Variants in ANO3 observed in about 807,000 individuals in gnomAD.
The protein encoded by ANO3 is anoctamin-3.
A neutral mutation model predicts 144.8 loss-of-function variants in ANO3; 99 were observed. The ratio of observed to expected loss-of-function variants is 0.68; its 90% confidence interval spans 0.58 to 0.81. The LOEUF (loss-of-function observed/expected upper bound fraction) is 0.81, where lower values mean the gene tolerates loss of function less well. Among genes scored for constraint, ANO3 ranks in the 30% least tolerant of loss-of-function variants. The pLI, the probability that ANO3 is intolerant of heterozygous loss-of-function variation, is 0.00. For missense variants in ANO3, 905 were observed against 1,202.2 expected (o/e 0.75, Z 3.66); for synonymous variants, 414 against 392.6 (o/e 1.05, Z -0.64).
chr11:26,233,985 T>A (rs1295379637), intron 1 of ANO3, among the ~76,000 whole-genome samples: 6 of 134,750 alleles, frequency 4.5e-5, no homozygotes, highest in Non-Finnish European at 1.7e-5. Flanking sequence ...GACAAATGCC[T>A]AATGTATGCG....
chr11:26,423,309 CTTTT>C (rs142064982), intron 1 of ANO3, among the ~76,000 whole-genome samples: 2 of 135,172 alleles, frequency 1.5e-5, no homozygotes, highest in African/African-American at 5.2e-5. Context: ...TACCTTTATA[CTTTT>C]TTTTTTTTTT....
At chr11:26,397,187 A>G (rs80285677) in intron 1 of ANO3, among the ~76,000 whole-genome samples, 2 of 96,466 alleles carry the variant, frequency 2.1e-5, no homozygotes, top group South Asian at 7.5e-4. Flanking sequence ...ACATTTTAGT[A>G]CTCAGTACTT....
chr11:26,547,907 A>T (rs2703410), intron 12 of ANO3, among the ~76,000 whole-genome samples: 108,070 of 151,776 alleles, frequency 0.71, 38,791 homozygotes, highest in East Asian at 0.84. Context: ...ATCATTATAA[A>T]AGCTATAATT....
intron 1 of ANO3, among the ~76,000 whole-genome samples, chr11:26,244,972 C>T (rs927035397): frequency 5.2e-5 from 6 of 114,556 alleles, no homozygotes; most frequent in Non-Finnish European, 1.1e-4. Context: ...TTCTGGTCTC[C>T]TGGTGTGTGT....
At chr11:26,437,904 G>T (rs1295998710) in intron 1 of ANO3, among the ~76,000 whole-genome samples, 7 of 152,148 alleles carry the variant, frequency 4.6e-5, no homozygotes, top group Admixed American at 3.3e-4. Flanking sequence ...TCAAGACAAA[G>T]TATGTTTTGT....
intron 14 of ANO3, among the ~76,000 whole-genome samples, chr11:26,564,451 G>A (rs1167039379): frequency 6.7e-6 from 1 of 149,740 alleles, no homozygotes; most frequent in Non-Finnish European, 1.5e-5. Flanking sequence ...TTCAAGGGGG[G>A]AAAATACATT....
intron 13 of ANO3, among the ~76,000 whole-genome samples, chr11:26,554,253 AT>A (rs1348668497): frequency 6.6e-6 from 1 of 152,118 alleles, no homozygotes; most frequent in Non-Finnish European, 1.5e-5. Flanking sequence ...ATAATGTAGC[AT>A]TTATCAATAG....
Position 26,537,442 on chromosome 11 carries a change from C to G in ANO3, c.1013C>G (p.Ala338Gly). The change falls in exon 10 of 27, where the codon GCA (alanine) becomes GGA (glycine). Residue 338 changes from alanine (A) to glycine (G), a missense_variant. Around this residue, in one of 4 missense-constraint regions of ANO3, gnomAD observed 597 missense variants for 865.1 expected, o/e 0.69. Coordinates refer to ENST00000256737, the MANE Select transcript of ANO3 (RefSeq NM_031418.4). ...CTTATAAACAATGGCTCATACATAG[C>G]AGCGTTTCCACCACATGAGGTAATT... ...RKLINNGSYIAAFPPHEGAYK... is the reference protein window; with the variant it reads ...RKLINNGSYIGAFPPHEGAYK... The G allele has an allele frequency of 6.2e-7, 1 of 1,613,732 alleles. No homozygotes were observed. The highest frequency in any genetic ancestry group is 1.1e-5 in the South Asian group (1 of 91,068).
At chr11:26,525,968 T>C (rs1388251865) in intron 7 of ANO3, among the ~76,000 whole-genome samples, 1 of 152,146 alleles carries the variant, frequency 6.6e-6, no homozygotes, top group Non-Finnish European at 1.5e-5. Flanking sequence ...ATTTTAAAAA[T>C]AGTTATAAGA....
intron 24 of ANO3, among the ~76,000 whole-genome samples, chr11:26,649,089 TA>T (rs1853441761): frequency 6.6e-6 from 1 of 152,344 alleles, no homozygotes; most frequent in African/African-American, 2.4e-5. Context: ...TGCCTTTTTT[TA>T]AAATTTTATA....
intron 1 of ANO3, among the ~76,000 whole-genome samples, chr11:26,288,350 CAGAT>C (rs1256823342): frequency 6.6e-6 from 1 of 152,186 alleles, no homozygotes; most frequent in Non-Finnish European, 1.5e-5. Flanking sequence ...CAGAAAAACA[CAGAT>C]AGAGTCCATG....
At chr11:26,273,020 G>C (rs1247578035) in intron 1 of ANO3, among the ~76,000 whole-genome samples, 1 of 152,062 alleles carries the variant, frequency 6.6e-6, no homozygotes, top group South Asian at 2.1e-4. Flanking sequence ...ATAATATTAA[G>C]TATTGAGCGT....
intron 1 of ANO3, among the ~76,000 whole-genome samples, chr11:26,437,605 C>A (rs972211242): frequency 2.8e-5 from 4 of 143,072 alleles, no homozygotes; most frequent in Non-Finnish European, 6.0e-5. Flanking sequence ...ATTACCCCTT[C>A]TATTTCTTTC....
At chr11:26,629,740 T>A (rs1852714163) in intron 18 of ANO3, among the ~76,000 whole-genome samples, 1 of 152,152 alleles carries the variant, frequency 6.6e-6, no homozygotes. Context: ...CAAGCAGTCC[T>A]CTTGCCTCAG....
intron 4 of ANO3, among the ~76,000 whole-genome samples, chr11:26,503,822 T>C (rs1187855450): frequency 1.3e-5 from 2 of 152,144 alleles, no homozygotes; most frequent in East Asian, 1.9e-4. Context: ...ATAATAATTG[T>C]TAGCGTTCCA....
chr11:26,574,325 G>A (rs1170583275), intron 14 of ANO3, among the ~76,000 whole-genome samples: 5 of 152,062 alleles, frequency 3.3e-5, no homozygotes, highest in Non-Finnish European at 7.4e-5. Context: ...ACATAGCTTG[G>A]GACCACACTT....
chr11:26,505,011 CAAAAAAAAAAAAA>C (rs61530995), intron 4 of ANO3, among the ~76,000 whole-genome samples: 20 of 63,666 alleles, frequency 3.1e-4, no homozygotes, highest in Non-Finnish European at 4.1e-4. Flanking sequence ...GACTCCACCT[CAAAAAAAAAAAAA>C]AAAAAAAAAA....
intron 1 of ANO3, among the ~76,000 whole-genome samples, chr11:26,193,229 C>T (rs931365229): frequency 6.6e-6 from 1 of 151,214 alleles, no homozygotes; most frequent in Non-Finnish European, 1.5e-5. Flanking sequence ...GCAACCTCCA[C>T]CTCCCGGGTT....
chr11:26,580,939 G>T (rs1339219837), intron 14 of ANO3, among the ~76,000 whole-genome samples: 1 of 152,190 alleles, frequency 6.6e-6, no homozygotes, highest in Non-Finnish European at 1.5e-5. Context: ...GGGATGAGCA[G>T]CTCACCTCCC....
Sources: gnomAD v4.1 joint callset for allele counts (sites outside exome capture counted in the v4.1 genomes callset) on GRCh38, gnomAD v4.1.1 for gene constraint, gnomAD v4.1.1 regional missense constraint, MANE v1.5 for transcripts, NCBI Gene and HGNC (gene_info 2026-07-23, HGNC 2026-07-21) for gene names.